Variants in PDE4D observed in about 807,000 individuals in gnomAD.
The protein encoded by PDE4D is 3',5'-cyclic-AMP phosphodiesterase 4D.
A neutral mutation model predicts 87.4 loss-of-function variants in PDE4D; 24 were observed. That is an observed-to-expected ratio of 0.27 (90% CI 0.20 to 0.39). The LOEUF (loss-of-function observed/expected upper bound fraction) is 0.39, where lower values mean the gene tolerates loss of function less well. PDE4D is among the 10% of genes least tolerant of loss of function. The pLI is 1.00. For synonymous variants in PDE4D, 384 were observed against 383.2 expected (o/e 1.00, Z -0.02); for missense variants, 714 against 1,041.0 (o/e 0.69, Z 4.32).
At chr5:59,016,346 TCA>T (rs1753977311) in intron 6 of PDE4D, among the ~76,000 whole-genome samples, 2 of 141,528 alleles carry the variant, frequency 1.4e-5, no homozygotes, top group African/African-American at 2.5e-5. Context: ...CTGTTTCATA[TCA>T]CAGTTTTTTT....
intron 1 of PDE4D, among the ~76,000 whole-genome samples, chr5:59,369,441 C>T (rs1325575840): frequency 2.0e-5 from 3 of 151,822 alleles, no homozygotes; most frequent in Admixed American, 1.3e-4. Flanking sequence ...TATTGGAGTG[C>T]GTAGTTTATT....
At chr5:59,124,385 T>C (rs1444818809) in intron 5 of PDE4D, among the ~76,000 whole-genome samples, 1 of 152,202 alleles carries the variant, frequency 6.6e-6, no homozygotes, top group Admixed American at 6.5e-5. Context: ...GTAGACCATA[T>C]TCTCTTGCTC....
chr5:60,213,482 A>G (rs1284962458), intron 1 of PDE4D, among the ~76,000 whole-genome samples: 1 of 152,172 alleles, frequency 6.6e-6, no homozygotes, highest in African/African-American at 2.4e-5. Flanking sequence ...TCTTGAGACC[A>G]GTCGGATGGT....
intron 1 of PDE4D, among the ~76,000 whole-genome samples, chr5:59,534,997 T>C (rs902931664): frequency 3.3e-5 from 5 of 149,630 alleles, no homozygotes; most frequent in African/African-American, 1.2e-4. Context: ...GGTATGATGC[T>C]TATTCTGCAT....
chr5:60,188,107 C>A (rs912150009), intron 1 of PDE4D, among the ~76,000 whole-genome samples: 3 of 151,914 alleles, frequency 2.0e-5, no homozygotes, highest in South Asian at 2.1e-4. Context: ...TAAGTGCTAA[C>A]CTCTCTCAAA....
intron 3 of PDE4D, among the ~76,000 whole-genome samples, chr5:59,981,349 A>G (rs1761914779): frequency 6.6e-6 from 1 of 152,208 alleles, no homozygotes; most frequent in African/African-American, 2.4e-5. Context: ...GCTTTAAAAT[A>G]AAAGGCTTGT....
intron 1 of PDE4D, among the ~76,000 whole-genome samples, chr5:59,655,225 C>G (rs1744164279): frequency 6.6e-6 from 1 of 151,930 alleles, no homozygotes; most frequent in Admixed American, 6.6e-5. Context: ...CATCTTAGAC[C>G]AAAGCTCCTA....
intron 11 of PDE4D, among the ~76,000 whole-genome samples, chr5:58,978,020 C>T (rs1232465087): frequency 6.6e-6 from 1 of 152,186 alleles, no homozygotes; most frequent in African/African-American, 2.4e-5. Context: ...CTGCCACTCT[C>T]TCCCTACTGC....
intron 3 of PDE4D, among the ~76,000 whole-genome samples, chr5:59,910,374 A>C (rs1309428855): frequency 1.3e-5 from 2 of 152,220 alleles, no homozygotes; most frequent in Non-Finnish European, 2.9e-5. Flanking sequence ...GATATGGTTC[A>C]TTGTTTCTGA....
intron 1 of PDE4D, among the ~76,000 whole-genome samples, chr5:59,406,376 ATCTTTCC>A (rs1791628122): frequency 1.4e-5 from 1 of 68,980 alleles, no homozygotes; most frequent in Non-Finnish European, 2.9e-5. Flanking sequence ...CGTCTCCCTT[ATCTTTCC>A]TTATCTTTCC....
rs33928836 is a variant in PDE4D, at chr5:60,136,315, C to CT, written c.42+49241dup. Among the ~76,000 whole-genome samples the CT allele has an allele frequency of 1.5e-3, 229 of 148,800 alleles. 1 individual carries two copies. Among genetic ancestry groups the CT allele is most frequent in the African/African-American group, 5.1e-3 (208 of 40,620 alleles). On this transcript the variant is annotated intron_variant, in intron 2 of 16. Coordinates refer to the PDE4D transcript ENST00000502484. ...TTGTGTCTTGTTATTTCTGGACTAT[C>CT]TTTTTTTTTTTTAATTTTTGAGATG...
At chr5:59,239,523 T>G (rs879108572) in intron 1 of PDE4D, among the ~76,000 whole-genome samples, 2 of 152,178 alleles carry the variant, frequency 1.3e-5, no homozygotes, top group Admixed American at 1.3e-4. Flanking sequence ...CAACAGAGAA[T>G]GTACTATTTT....
In PDE4D at chr5:58,975,097, T is replaced by C. The variant is rs770734079; in HGVS notation, c.2014-17A>G. 6.9e-7 allele frequency: 1 copy of C among 1,445,614 alleles called. No homozygotes were observed. Among genetic ancestry groups the C allele is most frequent in the East Asian group, 2.3e-5 (1 of 42,780 alleles). The allele number at this position is 1,445,614 out of a possible 1,614,324, so 89.5% of individuals were successfully genotyped here. On this transcript the variant is annotated splice_polypyrimidine_tract_variant and intron_variant, in intron 14 of 14. Transcript: ENST00000340635. The surrounding 1 kb of genome is among the most constrained non-coding windows in gnomAD (Gnocchi z 4.2). ...GAAGCCCACCTAGTTAAGAAAAAAA[T>C]CCAGTATGAGTAGAGGACTTGGGAC...
intron 1 of PDE4D, among the ~76,000 whole-genome samples, chr5:59,368,146 T>C (rs1352304989): frequency 6.6e-6 from 1 of 152,192 alleles, no homozygotes; most frequent in Admixed American, 6.5e-5. Flanking sequence ...ACATCCGAAT[T>C]CTCTATTATT....
chr5:60,502,589 C>T (rs1345509169), intron 1 of PDE4D, among the ~76,000 whole-genome samples: 1 of 152,122 alleles, frequency 6.6e-6, no homozygotes, highest in African/African-American at 2.4e-5. Context: ...TGTTCCTATT[C>T]GGCCATCTTG....
At chr5:59,085,129 T>G (rs1767436553) in intron 5 of PDE4D, among the ~76,000 whole-genome samples, 5 of 152,180 alleles carry the variant, frequency 3.3e-5, no homozygotes, top group Admixed American at 3.3e-4. Flanking sequence ...ATCACAATAG[T>G]GCTTATAATG....
intron 1 of PDE4D, among the ~76,000 whole-genome samples, chr5:59,473,318 T>C (rs1453139615): frequency 6.6e-6 from 1 of 152,064 alleles, no homozygotes; most frequent in Non-Finnish European, 1.5e-5. Flanking sequence ...GTGGCCAGAA[T>C]AGAGAAATCA....
At chr5:60,362,731 C>T (rs1760173124) in intron 1 of PDE4D, among the ~76,000 whole-genome samples, 1 of 151,926 alleles carries the variant, frequency 6.6e-6, no homozygotes, top group African/African-American at 2.4e-5. Context: ...TGGCGGCAGG[C>T]ATTTGTAGTC....
intron 1 of PDE4D, among the ~76,000 whole-genome samples, chr5:59,460,804 T>C (rs747008024): frequency 6.6e-6 from 1 of 152,154 alleles, no homozygotes; most frequent in Non-Finnish European, 1.5e-5. Flanking sequence ...GTACCCCAAC[T>C]GGGCAGATTC....
Sources: gnomAD v4.1 joint callset for allele counts (sites outside exome capture counted in the v4.1 genomes callset) on GRCh38, gnomAD v4.1.1 for gene constraint, Gnocchi (gnomAD v3.1) non-coding constraint, MANE v1.5 for transcripts, NCBI Gene and HGNC (gene_info 2026-07-23, HGNC 2026-07-21) for gene names.